SPATS1: variants seen among roughly 807,000 people sequenced by gnomAD.
The protein encoded by SPATS1 is spermatogenesis associated serine rich 1, also known as spermatogenesis-associated serine-rich protein 1.
Under a neutral mutation model 33.6 loss-of-function variants are expected in SPATS1, and 23 were observed. The observed-to-expected ratio is 0.68, with a 90% CI of 0.49 to 0.97. The LOEUF (loss-of-function observed/expected upper bound fraction) is 0.97, where lower values mean the gene tolerates loss of function less well. SPATS1 is among the 50% of genes least tolerant of loss of function. The pLI is 0.00. For synonymous variants in SPATS1, 131 were observed against 125.6 expected, an observed-to-expected ratio of 1.04 and a Z score of -0.29; for missense variants, 327 against 361.0, an observed-to-expected ratio of 0.91 and a Z score of 0.76.
chr6:44,344,491 G>A (rs746857855), intron 2 of SPATS1, among the ~76,000 whole-genome samples: 6 of 151,082 alleles, frequency 4.0e-5, no homozygotes, highest in Non-Finnish European at 7.4e-5. Context: ...ATCAAAAAAC[G>A]GGTTAAAAAC....
At position 44,370,066 on chromosome 6, in the gene SPATS1, G is replaced by T. The variant is rs919297671; in HGVS notation, c.711G>T (p.Lys237Asn). The T allele has an allele frequency of 1.9e-6, 3 of 1,612,240 alleles. No homozygotes were observed. The highest frequency in any genetic ancestry group is 1.3e-5 in the African/African-American group (1 of 75,024). ...PVNFSIVPYE[K>N]KFDTFIPLEP... is the part of the protein sequence containing the mutation. ...TGTTTTTCAGAGTGCCTTATGAAAA[G>T]AAATTTGATACATTTATTCCACTTG... is the stretch of plus-strand genomic sequence containing the variant. The change falls in exon 7 of 9, where the codon AAG (lysine) becomes AAT (asparagine). Residue 237 changes from lysine (K) to asparagine (N), a missense_variant. By Grantham distance (94) the Lys-to-Asn change is moderately conservative (BLOSUM62 0). Coordinates refer to ENST00000674044, the MANE Select transcript of SPATS1 (RefSeq NM_001372081.1).
intron 5 of SPATS1, among the ~76,000 whole-genome samples, chr6:44,367,189 G>C (rs1789301250): frequency 6.6e-6 from 1 of 152,202 alleles, no homozygotes; most frequent in Non-Finnish European, 1.5e-5. Flanking sequence ...CCGGGTTTAA[G>C]CGATTCTCCT....
At chr6:44,349,288 C>CAAAAAAAA (rs35407623) in intron 2 of SPATS1, among the ~76,000 whole-genome samples, 21 of 72,600 alleles carry the variant, frequency 2.9e-4, no homozygotes, top group East Asian at 1.4e-3. Flanking sequence ...GACTCTGGCT[C>CAAAAAAAA]AAAAAAAAAA....
chr6:44,366,428 T>TA (rs1156329844), intron 5 of SPATS1, among the ~76,000 whole-genome samples: 2 of 152,100 alleles, frequency 1.3e-5, no homozygotes, highest in Non-Finnish European at 2.9e-5. Context: ...CTGGCCACCA[T>TA]AGTCTATTTC....
In SPATS1 at chr6:44,369,286, T is replaced by C. The variant is rs562951234; in HGVS notation, c.696-765T>C. Among the ~76,000 whole-genome samples the C allele has an allele frequency of 5.3e-4, 80 of 152,238 alleles. No homozygotes were observed. The South Asian group carries it at 0.017, about 32-fold the overall frequency. On this transcript the variant is annotated intron_variant, in intron 6 of 8. Transcript: ENST00000674044. The stretch of plus-strand genomic sequence containing the variant: ...GGCCGGGCGCGGTGGCTCACGCCTG[T>C]AACCCCAGCCCTTTGAGAGGCCAAG...
chr6:44,373,127 T>C (rs931834045), intron 7 of SPATS1, among the ~76,000 whole-genome samples: 4 of 152,222 alleles, frequency 2.6e-5, no homozygotes, highest in African/African-American at 9.6e-5. Context: ...TTCATTTTTT[T>C]GTAAAGTTCC....
At chr6:44,346,185 G>T (rs1390932743) in intron 2 of SPATS1, among the ~76,000 whole-genome samples, 3 of 151,658 alleles carry the variant, frequency 2.0e-5, no homozygotes, top group Non-Finnish European at 4.4e-5. Context: ...CAGCTACTTG[G>T]GAGGCTGGGG....
At position 44,377,262 on chromosome 6, in the gene SPATS1, C is replaced by T. The variant is rs371853105; in HGVS notation, c.*199C>T. The T allele has an allele frequency of 4.9e-6, 3 of 610,794 alleles. No homozygotes were observed. Among genetic ancestry groups the T allele is most frequent in the South Asian group, 4.0e-5 (2 of 50,556 alleles). The allele number at this position is 610,794 out of a possible 1,614,324, so 37.8% of individuals were successfully genotyped here. A position where few individuals can be genotyped will look rare whatever the true frequency, so the allele number is the denominator to read the frequency against. ...GCAAGAATTGTACAACAAACACCTG[C>T]ATATCCTTCACATAGATTCTATCAT... On this transcript the variant is annotated 3_prime_UTR_variant, in exon 9 of 9. Transcript: ENST00000674044.
chr6:44,366,853 T>C (rs1789280080), intron 5 of SPATS1, among the ~76,000 whole-genome samples: 1 of 152,236 alleles, frequency 6.6e-6, no homozygotes, highest in Admixed American at 6.5e-5. Context: ...GTATTCATGA[T>C]AACTCTGCAA....
At chr6:44,356,518 A>G (rs1012209705) in intron 3 of SPATS1, among the ~76,000 whole-genome samples, 2 of 152,172 alleles carry the variant, frequency 1.3e-5, no homozygotes, top group Non-Finnish European at 2.9e-5. Context: ...CAAGATTGCA[A>G]TCGAGGTGTT....
intron 3 of SPATS1, among the ~76,000 whole-genome samples, chr6:44,357,852 G>A (rs928963911): frequency 6.6e-6 from 1 of 152,210 alleles, no homozygotes; most frequent in Non-Finnish European, 1.5e-5. Flanking sequence ...CGTGTGATCT[G>A]AGCTGAGCCA....
rs574067594 is a variant in SPATS1, at chr6:44,352,874, G to A, written c.287+1G>A. 6.2e-7 allele frequency: 1 copy of A among 1,613,838 alleles called. No homozygotes were observed. Among genetic ancestry groups the A allele is most frequent in the Non-Finnish European group, 8.5e-7 (1 of 1,179,814 alleles). ...TCCCCAGAGTGTCTGCTTACGTAGA[G>A]TAAGTAAGGGTCTGGTGCAGAGCTG... On this transcript the variant is annotated splice_donor_variant, in intron 3 of 8. Transcript: ENST00000674044. LOFTEE classifies it high-confidence loss of function.
chr6:44,345,102 G>A (rs897130895), intron 2 of SPATS1, among the ~76,000 whole-genome samples: 8 of 152,094 alleles, frequency 5.3e-5, no homozygotes, highest in African/African-American at 1.9e-4. Context: ...ATTAGTATTA[G>A]CGTCAGTATT....
chr6:44,368,433 T>G lies in SPATS1; in HGVS notation c.629T>G (p.Met210Arg), dbSNP rs764193770. 1.2e-6 allele frequency: 2 copies of G among 1,613,808 alleles called. No individual in the cohort carries two copies. The highest frequency in any genetic ancestry group is 1.7e-6 in the Non-Finnish European group (2 of 1,179,876). ...PKLTPGDNPY[M>R]YPEQSKGFHK... ...TTAACTCCAGGCGACAATCCATATA[T>G]GTACCCAGAACAGAGTAAAGGCTTC... is the stretch of plus-strand genomic sequence containing the variant. The change falls in exon 6 of 9, where the codon ATG (methionine) becomes AGG (arginine). Residue 210 changes from methionine (M) to arginine (R), a missense_variant. Met to Arg is a moderately conservative substitution (Grantham distance 91, BLOSUM62 -1). Transcript: ENST00000674044.
At chr6:44,376,603 A>T in intron 8 of SPATS1, 130 bp downstream of exon 8, 1 of 594,528 alleles carries the variant, frequency 1.7e-6, no homozygotes, top group South Asian at 2.0e-5. Flanking sequence ...AGTTCAAGAC[A>T]AGCCTGACCA....
chr6:44,366,848 C>T (rs1789279756), intron 5 of SPATS1, among the ~76,000 whole-genome samples: 1 of 152,142 alleles, frequency 6.6e-6, no homozygotes. Flanking sequence ...ATTTAGTATT[C>T]ATGATAACTC....
At chr6:44,342,878 G>A (rs1787645728) in intron 1 of SPATS1, 110 bp downstream of exon 1, 4 of 1,303,418 alleles carry the variant, frequency 3.1e-6, no homozygotes, top group Non-Finnish European at 4.2e-6. Context: ...GCTGCAGCGA[G>A]CCTGGTTCGG....
intron 7 of SPATS1, among the ~76,000 whole-genome samples, chr6:44,373,559 T>C (rs1451432773): frequency 6.6e-6 from 1 of 152,256 alleles, no homozygotes; most frequent in Admixed American, 6.5e-5. Flanking sequence ...GCTCCATTAC[T>C]GTCATCAAAG....
rs769055522 is a variant in SPATS1 at position 44,350,480 on chromosome 6, C to G, written c.140-2246C>G. On this transcript the variant is annotated intron_variant, in intron 2 of 8. Coordinates refer to ENST00000674044, the MANE Select transcript of SPATS1 (RefSeq NM_001372081.1). ...GGAATTTGAGAATCTGTATTTTTAA[C>G]AGGCTTCCTGGGTAATTCTGATGCA... Among the ~76,000 whole-genome samples, 232 of 152,310 alleles carry G rather than the reference C, an allele frequency of 1.5e-3. 1 individual carries two copies. The highest frequency in any genetic ancestry group is 2.7e-3 in the Non-Finnish European group (183 of 68,026).
Sources: allele counts gnomAD v4.1 joint callset (sites outside exome capture counted in the v4.1 genomes callset), GRCh38; gene constraint gnomAD v4.1.1; transcripts MANE v1.5; gene names NCBI Gene and HGNC (gene_info 2026-07-23, HGNC 2026-07-21).